PDZRN3: variants seen among roughly 807,000 people sequenced by gnomAD.
The protein encoded by PDZRN3 is E3 ubiquitin-protein ligase PDZRN3.
PDZRN3 carries 38 observed loss-of-function variants against 85.7 expected under a neutral mutation model. The ratio of observed to expected loss-of-function variants is 0.44; its 90% CI spans 0.34 to 0.58. The LOEUF is 0.58. Ranked by LOEUF, PDZRN3 falls within the 20% of genes least tolerant of loss-of-function variation. The pLI is 0.01. For missense variants in PDZRN3, 1,629 were observed against 1,506.4 expected (o/e 1.08, Z -1.35); for synonymous variants, 759 against 638.0 (o/e 1.19, Z -2.86).
intron 1 of PDZRN3, among the ~76,000 whole-genome samples, chr3:73,612,744 G>A (rs1394319678): frequency 2.0e-5 from 3 of 152,146 alleles, no homozygotes; most frequent in East Asian, 1.9e-4. Flanking sequence ...TCAGATTGGC[G>A]CAACATCAGA....
intron 3 of PDZRN3, among the ~76,000 whole-genome samples, chr3:73,503,624 CT>C (rs1704020802): frequency 6.6e-6 from 1 of 152,210 alleles, no homozygotes; most frequent in South Asian, 2.1e-4. Flanking sequence ...TCATCTAATG[CT>C]TTTCCCTATG....
intron 3 of PDZRN3, among the ~76,000 whole-genome samples, chr3:73,590,541 C>T (rs1702343410): frequency 6.6e-6 from 1 of 152,062 alleles, no homozygotes; most frequent in Non-Finnish European, 1.5e-5. Context: ...AAATAATAAA[C>T]GTCAACAACT....
Position 73,624,789 on chromosome 3 carries a change from C to A in PDZRN3, c.37G>T (p.Asp13Tyr). The change falls in exon 1 of 10, where the codon GAC becomes TAC. Residue 13 changes from aspartate to tyrosine, a missense_variant. Coordinates refer to ENST00000263666, the MANE Select transcript of PDZRN3 (RefSeq NM_015009.3). ...FELDRFDGDV[D>Y]PDLKCALCHK... is the part of the protein sequence containing the mutation. ...CACAGCGCGCACTTCAGGTCCGGGTCCACGTCGCCGTCGAAGCGGTCCAGC... is the reference window on the plus strand; with the variant it reads ...CACAGCGCGCACTTCAGGTCCGGGTACACGTCGCCGTCGAAGCGGTCCAGC... 3 of 1,405,914 alleles carry A rather than the reference C, an allele frequency of 2.1e-6. No homozygotes were observed. The highest frequency in any genetic ancestry group is 2.8e-6 in the Non-Finnish European group (3 of 1,082,774). The allele number at this position is 1,405,914 out of a possible 1,614,324, so 87.1% of individuals were successfully genotyped here.
At chr3:73,575,285 G>A (rs1212793393) in intron 3 of PDZRN3, among the ~76,000 whole-genome samples, 1 of 152,132 alleles carries the variant, frequency 6.6e-6, no homozygotes, top group Non-Finnish European at 1.5e-5. Context: ...GAACCTGGAA[G>A]AGCCATCCTT....
intron 3 of PDZRN3, chr3:73,408,012 C>G (rs1415122334): frequency 9.8e-6 from 6 of 614,492 alleles, no homozygotes; most frequent in Non-Finnish European, 1.7e-5. Flanking sequence ...GAATGTCCCC[C>G]CTGCCTACAG....
intron 3 of PDZRN3, chr3:73,594,005 T>A (rs1702398311): frequency 6.6e-6 from 1 of 152,192 alleles, no homozygotes; most frequent in Non-Finnish European, 1.5e-5. Context: ...TAGCACTCCA[T>A]ACTGTCCACT....
At chr3:73,606,631 T>C (rs1559755899) in intron 2 of PDZRN3, among the ~76,000 whole-genome samples, 1 of 152,258 alleles carries the variant, frequency 6.6e-6, no homozygotes, top group African/African-American at 2.4e-5. Context: ...TACAACCATG[T>C]GATGACATCC....
intron 2 of PDZRN3, 150 bp from the exon 3 acceptor site, chr3:73,602,611 A>C (rs768897675): frequency 1.4e-5 from 8 of 581,802 alleles, no homozygotes; most frequent in Non-Finnish European, 2.1e-5. Context: ...TTTCTGTTTT[A>C]AACTAAAATA....
At chr3:73,413,654 T>A (rs1169078181) in intron 3 of PDZRN3, among the ~76,000 whole-genome samples, 2 of 152,128 alleles carry the variant, frequency 1.3e-5, no homozygotes, top group African/African-American at 4.8e-5. Flanking sequence ...TGCTGTTACC[T>A]GACCTGGGCT....
At chr3:73,614,465 AG>A (rs1270659056) in intron 1 of PDZRN3, among the ~76,000 whole-genome samples, 1 of 152,214 alleles carries the variant, frequency 6.6e-6, no homozygotes, top group African/African-American at 2.4e-5. Context: ...GCCTAAGGAC[AG>A]GTGTTCCCTA....
intron 4 of PDZRN3, among the ~76,000 whole-genome samples, chr3:73,401,401 G>A (rs958663419): frequency 6.6e-6 from 1 of 152,164 alleles, no homozygotes; most frequent in African/African-American, 2.4e-5. Flanking sequence ...CTAGGCTCGA[G>A]CCCAGGCAAC....
At chr3:73,507,205 G>T (rs563413779) in intron 3 of PDZRN3, among the ~76,000 whole-genome samples, 9 of 151,692 alleles carry the variant, frequency 5.9e-5, no homozygotes, top group African/African-American at 4.8e-5. Context: ...TCTCGCTCTT[G>T]TCCCCCAAGC....
chr3:73,534,865 C>T (rs541331581), intron 3 of PDZRN3, among the ~76,000 whole-genome samples: 1 of 152,296 alleles, frequency 6.6e-6, no homozygotes, highest in Admixed American at 6.5e-5. Flanking sequence ...TTCTGGTTTA[C>T]AAAGGACAGC....
intron 3 of PDZRN3, among the ~76,000 whole-genome samples, chr3:73,477,377 A>G (rs771888346): frequency 1.1e-4 from 17 of 152,210 alleles, no homozygotes; most frequent in Non-Finnish European, 1.5e-4. Flanking sequence ...CTTAACTCAG[A>G]ATGTCATCTC....
chr3:73,416,032 G>T (rs1484662905), intron 3 of PDZRN3, among the ~76,000 whole-genome samples: 1 of 151,452 alleles, frequency 6.6e-6, no homozygotes, highest in East Asian at 1.9e-4. Flanking sequence ...TTTAAGAGGA[G>T]GGTGGAGAAT....
intron 3 of PDZRN3, among the ~76,000 whole-genome samples, chr3:73,485,339 A>G (rs2106644096): frequency 6.7e-6 from 1 of 149,926 alleles, no homozygotes; most frequent in Admixed American, 6.7e-5. Context: ...TTATAATATT[A>G]ATATTTTAAT....
At chr3:73,385,047 G>A in intron 9 of PDZRN3, 117 bp from the exon 10 acceptor site, 2 of 1,218,424 alleles carry the variant, frequency 1.6e-6, no homozygotes, top group Non-Finnish European at 1.1e-6. Context: ...TAAGGCCAAG[G>A]GACAGCATCT....
At chr3:73,473,573 G>A (rs1399740712) in intron 3 of PDZRN3, among the ~76,000 whole-genome samples, 5 of 152,148 alleles carry the variant, frequency 3.3e-5, no homozygotes, top group Non-Finnish European at 7.3e-5. Flanking sequence ...AAGAGTAAGG[G>A]AGAATTTAAT....
chr3:73,434,050 G>T, intron 3 of PDZRN3: 1 of 717,028 alleles, frequency 1.4e-6, no homozygotes, highest in Non-Finnish European at 1.8e-6. Flanking sequence ...ATATTAATCA[G>T]CTCTCATTGA....
Sources: allele counts gnomAD v4.1 joint callset (sites outside exome capture counted in the v4.1 genomes callset), GRCh38; gene constraint gnomAD v4.1.1; transcripts MANE v1.5; gene names NCBI Gene and HGNC (gene_info 2026-07-23, HGNC 2026-07-21).